The following SRGAP3 variants were observed in gnomAD, a reference collection of about 807,000 sequenced individuals.
The protein encoded by SRGAP3 is SLIT-ROBO Rho GTPase activating protein 3.
SRGAP3 carries 39 observed loss-of-function variants against 121.1 expected under a neutral mutation model. The observed-to-expected ratio is 0.32, with a 90% CI of 0.25 to 0.42. The LOEUF is 0.42. Ranked by LOEUF, SRGAP3 falls within the 10% of genes least tolerant of loss-of-function variation. The pLI is 1.00. For missense variants in SRGAP3, 1,213 were observed against 1,470.6 expected, an observed-to-expected ratio of 0.82 and a Z score of 2.86; for synonymous variants, 601 against 570.0, an observed-to-expected ratio of 1.05 and a Z score of -0.77.
At position 8,984,881 on chromosome 3, in the gene SRGAP3, C is replaced by T. The variant is rs957124808; in HGVS notation, c.*638G>A. On this transcript the variant is annotated 3_prime_UTR_variant, in exon 22 of 22. Coordinates refer to ENST00000383836, the MANE Select transcript of SRGAP3 (RefSeq NM_014850.4). ...GGAGTCTGTTTTTGTTTGTGTTTTT[C>T]TGCAGGTTAGTGGTATATTGCTTCA... 5 of 229,556 alleles carry T rather than the reference C, an allele frequency of 2.2e-5. No individual in the cohort carries two copies. Among genetic ancestry groups the T allele is most frequent in the Non-Finnish European group, 4.3e-5 (5 of 115,638 alleles). 14.2% of individuals were successfully genotyped at this position (229,556 alleles called of 1,614,324 possible).
At chr3:9,011,056 A>G (rs1943345415) in intron 17 of SRGAP3, among the ~76,000 whole-genome samples, 1 of 151,778 alleles carries the variant, frequency 6.6e-6, no homozygotes, top group Non-Finnish European at 1.5e-5. Context: ...TTTTTTATAG[A>G]GCCATTGAGT....
rs1941475923 is a variant in SRGAP3, at chr3:8,982,616, G to C, written c.*2903C>G. Reference sequence around the variant, plus strand: ...GACTAAAACAGGCAGGAGTCAGAAAGAGAAAGCCAATGTTCAGTGAACGTC... The same window carrying C: ...GACTAAAACAGGCAGGAGTCAGAAACAGAAAGCCAATGTTCAGTGAACGTC... On this transcript the variant is annotated 3_prime_UTR_variant, in exon 22 of 22. Coordinates refer to ENST00000383836, the MANE Select transcript of SRGAP3 (RefSeq NM_014850.4). 4.5e-6 allele frequency: 1 copy of C among 221,966 alleles called. No homozygotes were observed. Among genetic ancestry groups the C allele is most frequent in the Non-Finnish European group, 9.0e-6 (1 of 111,070 alleles). 13.7% of individuals were successfully genotyped at this position (221,966 alleles called of 1,614,324 possible). A position where few individuals can be genotyped will look rare whatever the true frequency, so the allele number is the denominator to read the frequency against.
chr3:9,145,118 C>T (rs1038396835), intron 1 of SRGAP3, among the ~76,000 whole-genome samples: 2 of 152,050 alleles, frequency 1.3e-5, no homozygotes, highest in Admixed American at 1.3e-4. Flanking sequence ...TATTTTCAGA[C>T]AAGGTCTCAC....
At chr3:9,082,493 C>G (rs1337491786) in intron 3 of SRGAP3, among the ~76,000 whole-genome samples, 3 of 152,234 alleles carry the variant, frequency 2.0e-5, no homozygotes, top group Admixed American at 1.3e-4. Flanking sequence ...GACTTCCCAG[C>G]CTCTAGAACT....
chr3:9,253,353 T>C (rs1388837946), upstream of SRGAP3, among the ~76,000 whole-genome samples: 1 of 152,138 alleles, frequency 6.6e-6, no homozygotes, highest in Non-Finnish European at 1.5e-5. Flanking sequence ...AACGTAAAGT[T>C]TTCCATTTAA....
intron 3 of SRGAP3, among the ~76,000 whole-genome samples, chr3:9,085,930 A>G (rs934825114): frequency 2.6e-5 from 4 of 152,216 alleles, no homozygotes; most frequent in Non-Finnish European, 4.4e-5. Context: ...TACCTATGTA[A>G]CAAACCTGTA....
At chr3:9,083,882 C>G (rs1186446349) in intron 3 of SRGAP3, among the ~76,000 whole-genome samples, 1 of 152,174 alleles carries the variant, frequency 6.6e-6, no homozygotes, top group East Asian at 1.9e-4. Flanking sequence ...AGGCCTCTCT[C>G]CTGGGTTCTG....
At chr3:9,300,362 TC>T in intron 3 of SRGAP3, among the ~76,000 whole-genome samples, 1 of 151,702 alleles carries the variant, frequency 6.6e-6, no homozygotes, top group Middle Eastern at 3.4e-3. Flanking sequence ...GCCTGGAATG[TC>T]CTTTACCCAC....
At position 9,047,249 on chromosome 3, in the gene SRGAP3, C is replaced by A. The variant is rs1559999623; in HGVS notation, c.1408+142G>T. Reference sequence around the variant, plus strand: ...ATCTGTACCAAGGTGATTTTCCCAGCCTGCCCAGTCCTGGTAAGTCCAGGT... The same window carrying A: ...ATCTGTACCAAGGTGATTTTCCCAGACTGCCCAGTCCTGGTAAGTCCAGGT... On this transcript the variant is annotated intron_variant, in intron 10 of 21. Coordinates refer to ENST00000383836, the MANE Select transcript of SRGAP3 (RefSeq NM_014850.4). The A allele has an allele frequency of 3.6e-6, 3 of 825,422 alleles. No homozygotes were observed. The East Asian group carries it at 8.0e-5, about 22-fold the overall frequency. The allele number at this position is 825,422 out of a possible 1,614,324, so 51.1% of individuals were successfully genotyped here.
chr3:9,010,401 C>T lies in SRGAP3; in HGVS notation c.2148-14G>A, dbSNP rs146551341. 3.6e-4 allele frequency: 580 copies of T among 1,613,908 alleles called. 1 individual carries two copies. In the East Asian group the frequency reaches 8.2e-3, roughly 23 times the overall value. On this transcript the variant is annotated splice_polypyrimidine_tract_variant and intron_variant, in intron 17 of 21. Transcript: ENST00000383836. ...TGTGGGCTGTCACTGCAAGGAAACA[C>T]GGGAATGGGACTCACTGCGGGGGGT... is the stretch of plus-strand genomic sequence containing the variant.
chr3:9,002,339 AAAT>A, intron 18 of SRGAP3, among the ~76,000 whole-genome samples: 1 of 152,356 alleles, frequency 6.6e-6, no homozygotes, highest in South Asian at 2.1e-4. Context: ...GCATACTGCT[AAAT>A]AACTAGTGGT....
At chr3:9,241,371 G>A (rs1953630436) in intron 1 of SRGAP3, among the ~76,000 whole-genome samples, 1 of 152,162 alleles carries the variant, frequency 6.6e-6, no homozygotes, top group South Asian at 2.1e-4. Flanking sequence ...ATAAACTCTA[G>A]TAGTAAAAAC....
chr3:9,320,112 T>G (rs1308317612), intron 3 of SRGAP3, among the ~76,000 whole-genome samples: 1 of 151,864 alleles, frequency 6.6e-6, no homozygotes, highest in Admixed American at 6.5e-5. Context: ...CCAATCTTGG[T>G]GCTTTCCTGG....
At chr3:9,127,833 G>A (rs1001051935) in intron 1 of SRGAP3, among the ~76,000 whole-genome samples, 3 of 152,014 alleles carry the variant, frequency 2.0e-5, no homozygotes, top group African/African-American at 7.3e-5. Context: ...TGGGAGGATT[G>A]CTTTAGCCCA....
intron 10 of SRGAP3, among the ~76,000 whole-genome samples, chr3:9,046,960 A>C (rs746899546): frequency 6.6e-6 from 1 of 151,628 alleles, no homozygotes; most frequent in Non-Finnish European, 1.5e-5. Flanking sequence ...CCTCCCGAGT[A>C]GCTGGGACTA....
chr3:9,233,278 C>A (rs529435016), intron 1 of SRGAP3, among the ~76,000 whole-genome samples: 1 of 152,196 alleles, frequency 6.6e-6, no homozygotes, highest in African/African-American at 2.4e-5. Flanking sequence ...CACCATGAGC[C>A]GTGATTGAAC....
At chr3:9,210,352 G>C (rs1048740902) in intron 1 of SRGAP3, among the ~76,000 whole-genome samples, 1 of 152,176 alleles carries the variant, frequency 6.6e-6, no homozygotes, top group Non-Finnish European at 1.5e-5. Flanking sequence ...GCCAGGTGTG[G>C]TGGCTCATGC....
chr3:9,339,900 C>T (rs1023545915), intron 1 of SRGAP3, among the ~76,000 whole-genome samples: 1 of 152,166 alleles, frequency 6.6e-6, no homozygotes, highest in Non-Finnish European at 1.5e-5. Flanking sequence ...ATCAGCATAA[C>T]TCTCTTCATG....
intron 3 of SRGAP3, among the ~76,000 whole-genome samples, chr3:9,086,241 C>T (rs1191016111): frequency 6.6e-6 from 1 of 151,944 alleles, no homozygotes; most frequent in Non-Finnish European, 1.5e-5. Flanking sequence ...AATATGTTTG[C>T]TTGGCCAGGC....
Sources: gnomAD v4.1 joint callset for allele counts (sites outside exome capture counted in the v4.1 genomes callset) on GRCh38, gnomAD v4.1.1 for gene constraint, MANE v1.5 for transcripts, NCBI Gene and HGNC (gene_info 2026-07-23, HGNC 2026-07-21) for gene names.